Variants in IL1RAPL2 observed in about 807,000 individuals in gnomAD.
The protein encoded by IL1RAPL2 is X-linked interleukin-1 receptor accessory protein-like 2.
IL1RAPL2 carries 3 observed loss-of-function variants against 44.1 expected under a neutral mutation model. That is an observed-to-expected ratio of 0.07 (90% confidence interval 0.03 to 0.18). The LOEUF (loss-of-function observed/expected upper bound fraction) is 0.18. IL1RAPL2 is among the 10% of genes least tolerant of loss of function. The pLI, the probability that IL1RAPL2 is intolerant of heterozygous loss-of-function variation, is 1.00. For synonymous variants in IL1RAPL2, 181 were observed against 178.8 expected (o/e 1.01, Z -0.10); for missense variants, 391 against 496.4 (o/e 0.79, Z 2.02).
At chrX:105,251,030 A>G (rs1185517891) in intron 4 of IL1RAPL2, among the ~76,000 whole-genome samples, 1 of 111,033 alleles carries the variant, frequency 9.0e-6, no homozygotes, top group African/African-American at 3.3e-5. Flanking sequence ...ATCTACTTAG[A>G]AAAAAATTAG....
chrX:105,234,052 G>A (rs1316291170), intron 4 of IL1RAPL2, 48 bp downstream of exon 4: 2 of 1,023,803 alleles, frequency 2.0e-6, no homozygotes, highest in African/African-American at 3.8e-5. Context: ...GTCAATAGCA[G>A]TCTTGGGGAT....
At chrX:104,585,286 A>ATT (rs1556438357) in intron 1 of IL1RAPL2, among the ~76,000 whole-genome samples, 1,317 of 22,171 alleles carry the variant, frequency 0.059, 87 homozygotes, top group Admixed American at 0.12. Flanking sequence ...TATATTATAT[A>ATT]ATATATTATA....
intron 6 of IL1RAPL2, among the ~76,000 whole-genome samples, chrX:105,687,684 A>C (rs937492199): frequency 3.6e-5 from 4 of 111,842 alleles, no homozygotes; most frequent in African/African-American, 1.3e-4. Flanking sequence ...AAACTATTCC[A>C]ATCAATAGAA....
At chrX:105,434,429 A>G in intron 5 of IL1RAPL2, among the ~76,000 whole-genome samples, 1 of 112,400 alleles carries the variant, frequency 8.9e-6, no homozygotes. Flanking sequence ...AGTATTCATA[A>G]TTGCCAAAAA....
At chrX:105,653,979 A>G (rs1827066752) in intron 6 of IL1RAPL2, among the ~76,000 whole-genome samples, 1 of 109,623 alleles carries the variant, frequency 9.1e-6, no homozygotes, top group African/African-American at 3.4e-5. Context: ...ACACACACAA[A>G]CACACACACA....
intron 2 of IL1RAPL2, among the ~76,000 whole-genome samples, chrX:104,935,117 A>G (rs1376788064): frequency 1.8e-5 from 2 of 112,103 alleles, no homozygotes; most frequent in African/African-American, 6.5e-5. Flanking sequence ...ACAATCCACA[A>G]TTGTGATATA....
Position 104,761,913 on chromosome X carries a change from TTCTCCTTCTCCTTCTTC to T in IL1RAPL2, c.82+102920_82+102936del, listed in dbSNP as rs2147590910. On this transcript the variant is annotated intron_variant, in intron 2 of 10. Coordinates refer to ENST00000372582, the MANE Select transcript of IL1RAPL2 (RefSeq NM_017416.2). ...CTTCTCCTTCTCCTTCTCCTTCTCC[TTCTCCTTCTCCTTCTTC>T]TTCTTCTTCTTCTTCTTCTTCTTCT... is the stretch of plus-strand genomic sequence containing the variant. 4.7e-5 allele frequency among the ~76,000 whole-genome samples: 2 copies of T among 42,876 alleles called. 1 individual carries two copies. Among genetic ancestry groups the T allele is most frequent in the South Asian group, 2.2e-3 (2 of 902 alleles). The allele number at this position is 42,876 out of a possible 115,157, so 37.2% of individuals were successfully genotyped here.
chrX:104,790,462 C>T (rs948421605), intron 2 of IL1RAPL2, among the ~76,000 whole-genome samples: 7 of 111,314 alleles, frequency 6.3e-5, no homozygotes, highest in Admixed American at 9.6e-5. Context: ...AATTTTGTTG[C>T]GATAAGCAGA....
At chrX:105,670,888 C>T (rs1260409570) in intron 6 of IL1RAPL2, among the ~76,000 whole-genome samples, 5 of 105,149 alleles carry the variant, frequency 4.8e-5, no homozygotes, top group South Asian at 4.0e-4. Context: ...TGTGTGTGTG[C>T]GTGTATATAT....
chrX:105,079,611 T>C (rs2032372457), intron 2 of IL1RAPL2, among the ~76,000 whole-genome samples: 1 of 108,963 alleles, frequency 9.2e-6, no homozygotes, highest in Non-Finnish European at 1.9e-5. Context: ...TGATGGGCAT[T>C]TGGGTTGGTT....
chrX:105,055,408 A>G (rs908009881), intron 2 of IL1RAPL2, among the ~76,000 whole-genome samples: 11 of 112,121 alleles, frequency 9.8e-5, no homozygotes, highest in African/African-American at 3.6e-4. Flanking sequence ...AGTCTATAGC[A>G]ATAGTTAATG....
chrX:104,932,140 T>C (rs1924922121), intron 2 of IL1RAPL2, among the ~76,000 whole-genome samples: 1 of 107,523 alleles, frequency 9.3e-6, no homozygotes, highest in Non-Finnish European at 1.9e-5. Context: ...TACAGGCACC[T>C]GTCACCTGTC....
At chrX:105,368,727 C>A (rs1486680380) in intron 5 of IL1RAPL2, among the ~76,000 whole-genome samples, 7 of 111,283 alleles carry the variant, frequency 6.3e-5, no homozygotes, top group African/African-American at 2.3e-4. Flanking sequence ...TTTCTATTTT[C>A]TTCCTCACAC....
At chrX:105,256,556 T>A (rs2034317314) in intron 4 of IL1RAPL2, among the ~76,000 whole-genome samples, 1 of 110,769 alleles carries the variant, frequency 9.0e-6, no homozygotes, top group African/African-American at 3.3e-5. Context: ...CTCGAACTCC[T>A]GAGCTCAGGC....
intron 2 of IL1RAPL2, among the ~76,000 whole-genome samples, chrX:104,906,369 C>A (rs62602936): frequency 9.0e-6 from 1 of 110,650 alleles, no homozygotes; most frequent in Non-Finnish European, 1.9e-5. Context: ...GAGAGGGCAT[C>A]CCTGTCTTGT....
intron 2 of IL1RAPL2, among the ~76,000 whole-genome samples, chrX:104,876,877 C>T (rs190228574): frequency 2.7e-5 from 3 of 109,255 alleles, no homozygotes; most frequent in Non-Finnish European, 3.8e-5. Context: ...TATCCCTCCC[C>T]GCTCCGCCCA....
At chrX:105,733,556 CT>C (rs2038422079) in intron 7 of IL1RAPL2, among the ~76,000 whole-genome samples, 1 of 110,122 alleles carries the variant, frequency 9.1e-6, no homozygotes, top group African/African-American at 3.3e-5. Flanking sequence ...ATTTTTTGTC[CT>C]TTTTTCTCTT....
At chrX:104,649,739 C>G (rs1930117616) in intron 1 of IL1RAPL2, among the ~76,000 whole-genome samples, 2 of 111,434 alleles carry the variant, frequency 1.8e-5, no homozygotes, top group Admixed American at 9.6e-5. Context: ...TAGATTGGGT[C>G]TATTAACTGT....
chrX:104,785,133 T>C (rs1469482670), intron 2 of IL1RAPL2, among the ~76,000 whole-genome samples: 1 of 109,742 alleles, frequency 9.1e-6, no homozygotes, highest in African/African-American at 3.3e-5. Flanking sequence ...CACCTCAGCC[T>C]CCCAAGTAGC....
Sources: gnomAD v4.1 joint callset for allele counts (sites outside exome capture counted in the v4.1 genomes callset) on GRCh38, gnomAD v4.1.1 for gene constraint, MANE v1.5 for transcripts, NCBI Gene and HGNC (gene_info 2026-07-23, HGNC 2026-07-21) for gene names.